TAB3: variants seen among roughly 807,000 people sequenced by gnomAD.
The protein encoded by TAB3 is TGF-beta activated kinase 1 (MAP3K7) binding protein 3.
Under a neutral mutation model 48.1 loss-of-function variants are expected in TAB3, and 18 were observed. The ratio of observed to expected loss-of-function variants is 0.37; its 90% CI spans 0.26 to 0.55. The LOEUF (loss-of-function observed/expected upper bound fraction) is 0.55. Ranked by LOEUF, TAB3 falls within the 20% of genes least tolerant of loss-of-function variation. TAB3 has a pLI of 0.78. For synonymous variants in TAB3, 185 were observed against 190.2 expected, an observed-to-expected ratio of 0.97 and a Z score of 0.22; for missense variants, 414 against 549.8, an observed-to-expected ratio of 0.75 and a Z score of 2.47.
At chrX:30,860,913 T>G (rs1939230624) in intron 4 of TAB3, among the ~76,000 whole-genome samples, 1 of 111,707 alleles carries the variant, frequency 9.0e-6, no homozygotes, top group Admixed American at 9.5e-5. Context: ...AATGAAGCAT[T>G]CAGTGGTAAA....
chrX:30,847,113 T>G (rs1938650887), intron 7 of TAB3, among the ~76,000 whole-genome samples: 1 of 111,649 alleles, frequency 9.0e-6, no homozygotes, highest in Non-Finnish European at 1.9e-5. Context: ...GGTACTAATA[T>G]TGTGCCCAGT....
chrX:30,868,680 T>G (rs1422307656), intron 2 of TAB3, among the ~76,000 whole-genome samples: 1 of 93,632 alleles, frequency 1.1e-5, no homozygotes, highest in African/African-American at 3.9e-5. Context: ...TTTTGACAGA[T>G]GAGCACTCTC....
intron 4 of TAB3, among the ~76,000 whole-genome samples, chrX:30,862,369 T>C (rs915292603): frequency 1.8e-5 from 2 of 112,116 alleles, no homozygotes; most frequent in Non-Finnish European, 3.8e-5. Flanking sequence ...GCTTTCCCAA[T>C]GGCTCCCAAA....
chrX:30,885,322 A>T (rs1350949659), intron 1 of TAB3, among the ~76,000 whole-genome samples: 1 of 112,516 alleles, frequency 8.9e-6, no homozygotes, highest in South Asian at 3.6e-4. Flanking sequence ...TAAATGTCCA[A>T]AAGGTTACAG....
In TAB3 at chrX:30,855,265, T is replaced by C. The variant is rs1292666455; in HGVS notation, c.400A>G (p.Thr134Ala). 1 of 1,211,171 alleles carries C rather than the reference T, an allele frequency of 8.3e-7. No homozygotes were observed. Among genetic ancestry groups the C allele is most frequent in the Non-Finnish European group, 1.1e-6 (1 of 895,395 alleles). Residue 134 changes from threonine to alanine, a missense_variant, in exon 6 of 11, where the codon ACT becomes GCT. Physicochemically the swap from Thr to Ala is moderately conservative, Grantham distance 58 (BLOSUM62 0). Coordinates refer to ENST00000288422, the MANE Select transcript of TAB3 (RefSeq NM_152787.5). ...PHSAPAVVAA[T>A]PNYNPFFMNE... ...ATAAAAAATGGATTGTAGTTGGGAG[T>C]AGCAGCAACAACAGCTGGAGCTGAG...
At chrX:30,850,440 C>T (rs1237869993) in intron 7 of TAB3, among the ~76,000 whole-genome samples, 3 of 111,446 alleles carry the variant, frequency 2.7e-5, no homozygotes, top group Admixed American at 9.5e-5. Context: ...GGGCCAGGTG[C>T]GGTGGCTCAT....
chrX:30,858,642 T>C (rs1939150185), intron 5 of TAB3, among the ~76,000 whole-genome samples: 1 of 111,351 alleles, frequency 9.0e-6, no homozygotes, highest in South Asian at 3.7e-4. Flanking sequence ...GTGAGCATGG[T>C]AGAAGTACTG....
intron 7 of TAB3, 111 bp from the exon 8 acceptor site, chrX:30,846,755 G>T: frequency 2.1e-6 from 1 of 466,952 alleles, no homozygotes. Context: ...CAAGAATACG[G>T]CCTTAGTCCA....
intron 6 of TAB3, among the ~76,000 whole-genome samples, chrX:30,853,485 C>G (rs1211403236): frequency 9.0e-6 from 1 of 111,690 alleles, no homozygotes; most frequent in Non-Finnish European, 1.9e-5. Flanking sequence ...CAAATTCTTT[C>G]GTTTGATGAA....
intron 7 of TAB3, among the ~76,000 whole-genome samples, 189 bp from the exon 8 acceptor site, chrX:30,846,833 T>C (rs945614736): frequency 2.7e-5 from 3 of 111,882 alleles, no homozygotes; most frequent in Non-Finnish European, 5.6e-5. Flanking sequence ...AATGGGGACA[T>C]CAAAATGGCC....
Position 30,830,912 on chromosome X carries a change from G to GACC in TAB3, c.*514_*515insGGT, listed in dbSNP as rs1938005388. 2.3e-5 allele frequency: 1 copy of GACC among 43,609 alleles called. No individual in the cohort carries two copies. The highest frequency in any genetic ancestry group is 4.2e-4 in the Admixed American group (1 of 2,372). The allele number at this position is 43,609 out of a possible 1,213,427, so 3.6% of individuals were successfully genotyped here. ...AATTACAAATACCCTTAATTAATTT[G>GACC]CCCCCCCCCCCCAAATATTCTAGGT... is the stretch of plus-strand genomic sequence containing the variant. On this transcript the variant is annotated 3_prime_UTR_variant, in exon 11 of 11. Transcript: ENST00000288422.
rs1261153572 is a variant in TAB3 at position 30,868,334 on chromosome X, A to ATAT, written c.-279-786_-279-785insATA. On this transcript the variant is annotated intron_variant, in intron 2 of 10. Transcript: ENST00000288422. ...ATATAGCTTATATATATATATATAT[A>ATAT]AGCTTTTATATATATAGCTTATATA... 5.8e-4 allele frequency among the ~76,000 whole-genome samples: 17 copies of ATAT among 29,486 alleles called. 6 individuals are homozygous for ATAT. The highest frequency in any genetic ancestry group is 2.7e-3 in the African/African-American group (16 of 5,856). The allele number at this position is 29,486 out of a possible 115,157, so 25.6% of individuals were successfully genotyped here. A position where few individuals can be genotyped will look rare whatever the true frequency, so the allele number is the denominator to read the frequency against.
chrX:30,873,218 C>T, intron 1 of TAB3, among the ~76,000 whole-genome samples: 1 of 112,165 alleles, frequency 8.9e-6, no homozygotes. Context: ...TGTGGGTCTA[C>T]TTATATGTGG....
intron 5 of TAB3, among the ~76,000 whole-genome samples, chrX:30,859,061 A>G (rs1401672081): frequency 9.0e-6 from 1 of 111,573 alleles, no homozygotes; most frequent in African/African-American, 3.3e-5. Context: ...AGTACAACCC[A>G]AAAACTTCAA....
intron 6 of TAB3, among the ~76,000 whole-genome samples, chrX:30,853,281 G>A (rs1938927143): frequency 8.9e-6 from 1 of 112,478 alleles, no homozygotes; most frequent in Admixed American, 9.4e-5. Flanking sequence ...GAAACAATCT[G>A]AATAGACTTT....
intron 1 of TAB3, among the ~76,000 whole-genome samples, chrX:30,872,496 G>C (rs946300862): frequency 8.9e-6 from 1 of 111,888 alleles, no homozygotes; most frequent in Admixed American, 9.5e-5. Context: ...TTCAGGAATA[G>C]CTTTAACTTC....
At chrX:30,841,536 A>C (rs77657831) in intron 9 of TAB3, among the ~76,000 whole-genome samples, 28 of 109,718 alleles carry the variant, frequency 2.6e-4, no homozygotes, top group Admixed American at 5.8e-4. Context: ...AAAAAAAAAA[A>C]CACTCTGTAA....
intron 1 of TAB3, among the ~76,000 whole-genome samples, chrX:30,884,700 CTTTGT>C (rs1940083840): frequency 9.0e-6 from 1 of 111,612 alleles, no homozygotes; most frequent in Non-Finnish European, 1.9e-5. Context: ...ATGTACTTAG[CTTTGT>C]TTTTATTACC....
At position 30,854,506 on chromosome X, in the gene TAB3, T is replaced by G. The variant is rs374389096; in HGVS notation, c.1159A>C (p.Ile387Leu). The G allele has an allele frequency of 2.6e-5, 31 of 1,209,130 alleles. No homozygotes were observed. The highest frequency in any genetic ancestry group is 3.5e-5 in the Non-Finnish European group (31 of 894,737). Residue 387 changes from isoleucine (I) to leucine (L), a missense_variant, in exon 6 of 11, where the codon ATC becomes CTC. By Grantham distance (5) the Ile-to-Leu change is conservative. Transcript: ENST00000288422. ...TTCCGTGGAGATGGTTGATTACTGA[T>G]GGGTGAAGGACTCCTATTAATTGCT... is the stretch of plus-strand genomic sequence containing the variant. ...GTAINRSPSP[I>L]SNQPSPRNQH...
Sources: gnomAD v4.1 joint callset for allele counts (sites outside exome capture counted in the v4.1 genomes callset) on GRCh38, gnomAD v4.1.1 for gene constraint, MANE v1.5 for transcripts, NCBI Gene and HGNC (gene_info 2026-07-23, HGNC 2026-07-21) for gene names.